SPON1: variants seen among roughly 807,000 people sequenced by gnomAD.
The protein encoded by SPON1 is spondin 1.
In SPON1, 52 loss-of-function variants were observed where a neutral mutation model predicts 111.7. The ratio of observed to expected loss-of-function variants is 0.47; its 90% CI spans 0.37 to 0.59. SPON1 has a LOEUF of 0.59. SPON1 is among the 20% of genes least tolerant of loss of function. The pLI is 0.00. For missense variants in SPON1, 957 were observed against 1,068.5 expected (o/e 0.90, Z 1.46); for synonymous variants, 410 against 395.8 (o/e 1.04, Z -0.43).
chr11:14,202,357 T>G (rs1554935732), intron 6 of SPON1, among the ~76,000 whole-genome samples: 1 of 151,834 alleles, frequency 6.6e-6, no homozygotes, highest in East Asian at 1.9e-4. Flanking sequence ...CTTGGTGGAG[T>G]TTTTAGTGTA....
In SPON1 at chr11:14,116,639, G is replaced by A. The variant is rs575364461; in HGVS notation, c.677-18781G>A. 2.6e-5 allele frequency among the ~76,000 whole-genome samples: 4 copies of A among 152,146 alleles called. 1 individual carries two copies. In the East Asian group the frequency reaches 7.7e-4, roughly 29 times the overall value. Reference sequence around the variant, plus strand: ...CTTTATTATGGTTCCTTTACAAAAAGCTTTGATATCTGGGAGTGTTCTCTG... The same window carrying A: ...CTTTATTATGGTTCCTTTACAAAAAACTTTGATATCTGGGAGTGTTCTCTG... On this transcript the variant is annotated intron_variant, in intron 5 of 15. Transcript: ENST00000576479.
chr11:14,079,820 A>C, intron 4 of SPON1, 79 bp from the exon 5 acceptor site: 1 of 1,508,918 alleles, frequency 6.6e-7, no homozygotes, highest in Non-Finnish European at 9.2e-7. Context: ...GGTTAAGGAT[A>C]AAATGAGACC....
chr11:14,100,533 T>C (rs1849135369), intron 5 of SPON1, among the ~76,000 whole-genome samples: 1 of 152,216 alleles, frequency 6.6e-6, no homozygotes, highest in Non-Finnish European at 1.5e-5. Context: ...CTCTGTTGAA[T>C]TCATAAACAA....
At chr11:14,038,750 G>A (rs1848612360) in intron 2 of SPON1, among the ~76,000 whole-genome samples, 1 of 152,182 alleles carries the variant, frequency 6.6e-6, no homozygotes, top group South Asian at 2.1e-4. Context: ...ATTGTTGCTG[G>A]TGGAAATGCA....
In SPON1 at chr11:14,259,350, G is replaced by T. The variant is rs782369672; in HGVS notation, c.1563G>T (p.Met521Ile). 1.2e-6 allele frequency: 2 copies of T among 1,612,922 alleles called. No homozygotes were observed. Among genetic ancestry groups the T allele is most frequent in the South Asian group, 2.2e-5 (2 of 90,666 alleles). ...SPCSISCGMG[M>I]RSRERYVKQF... ...GCAGCATCTCCTGCGGCATGGGCAT[G>T]AGGTCCCGGGAGAGGTATGTGAAGC... Residue 521 changes from methionine (M) to isoleucine (I), a missense_variant, in exon 12 of 16, where the codon ATG (methionine) becomes ATT (isoleucine). By Grantham distance (10) the Met-to-Ile change is conservative. Coordinates refer to ENST00000576479, the MANE Select transcript of SPON1 (RefSeq NM_006108.4). This position sits in a 1 kb window ranked among gnomAD's most constrained non-coding sequence, Gnocchi z 5.0.
intron 6 of SPON1, among the ~76,000 whole-genome samples, chr11:14,143,844 G>A (rs1471141997): frequency 2.0e-5 from 3 of 152,162 alleles, no homozygotes; most frequent in Admixed American, 2.0e-4. Flanking sequence ...ATTGAGGTGG[G>A]ATCAAGGGAC....
rs1554938329 is a variant in SPON1, at chr11:14,228,397, G to A, written c.826-14935G>A. ...CTGCATCAAGATTAGAGTGCAGGAA[G>A]TTACCAAAGAATGTTCTTGGGAACC... On this transcript the variant is annotated intron_variant, in intron 6 of 15. Coordinates refer to ENST00000576479, the MANE Select transcript of SPON1 (RefSeq NM_006108.4). The surrounding 1 kb of genome is among the most constrained non-coding windows in gnomAD (Gnocchi z 4.2). 6.6e-6 allele frequency among the ~76,000 whole-genome samples: 1 copy of A among 152,202 alleles called. No homozygotes were observed. The highest frequency in any genetic ancestry group is 1.9e-4 in the East Asian group (1 of 5,198).
intron 6 of SPON1, among the ~76,000 whole-genome samples, chr11:14,234,970 G>A (rs1022371321): frequency 6.6e-6 from 1 of 152,232 alleles, no homozygotes; most frequent in African/African-American, 2.4e-5. Flanking sequence ...GGCATAGAAT[G>A]AGCACTTATG....
At chr11:14,050,292 ATTC>A (rs1429718204) in intron 3 of SPON1, among the ~76,000 whole-genome samples, 1 of 152,158 alleles carries the variant, frequency 6.6e-6, no homozygotes, top group Non-Finnish European at 1.5e-5. Context: ...GATCAATTTC[ATTC>A]TTCTTTGTGG....
At chr11:14,249,683 G>A (rs1233147209) in intron 7 of SPON1, among the ~76,000 whole-genome samples, 1 of 152,200 alleles carries the variant, frequency 6.6e-6, no homozygotes, top group Non-Finnish European at 1.5e-5. Context: ...TAAGTCTCTA[G>A]AAGCAGTATC....
At chr11:14,196,345 G>A (rs1394869162) in intron 6 of SPON1, among the ~76,000 whole-genome samples, 14 of 152,166 alleles carry the variant, frequency 9.2e-5, no homozygotes, top group Admixed American at 6.5e-4. Flanking sequence ...GACAACTAAC[G>A]AGTATGGATG....
chr11:14,086,143 C>G (rs1254662128), intron 5 of SPON1, among the ~76,000 whole-genome samples: 3 of 152,132 alleles, frequency 2.0e-5, no homozygotes, highest in Non-Finnish European at 2.9e-5. Context: ...TTATTTCTTT[C>G]TCTTGCCTGA....
chr11:14,040,673 T>A (rs1173525696), intron 2 of SPON1, among the ~76,000 whole-genome samples: 11 of 152,018 alleles, frequency 7.2e-5, no homozygotes, highest in African/African-American at 2.2e-4. Flanking sequence ...GTTTTGAAGA[T>A]TAAGTCAGAT....
intron 5 of SPON1, among the ~76,000 whole-genome samples, chr11:14,111,607 G>T (rs143949788): frequency 6.6e-6 from 1 of 152,282 alleles, no homozygotes; most frequent in East Asian, 1.9e-4. Flanking sequence ...CAAACAATGA[G>T]TTGAAAATAT....
intron 6 of SPON1, among the ~76,000 whole-genome samples, chr11:14,148,263 G>A (rs535114869): frequency 8.0e-4 from 122 of 152,192 alleles, no homozygotes; most frequent in African/African-American, 2.7e-3. Context: ...CTCATGATTG[G>A]TCCCATTTGT....
chr11:14,070,554 T>C (rs1554920801), intron 3 of SPON1, among the ~76,000 whole-genome samples: 1 of 152,194 alleles, frequency 6.6e-6, no homozygotes, highest in Non-Finnish European at 1.5e-5. Flanking sequence ...ATACTGGATA[T>C]TTACCGTGTG....
At chr11:14,198,245 G>A (rs1848423854) in intron 6 of SPON1, among the ~76,000 whole-genome samples, 1 of 152,214 alleles carries the variant, frequency 6.6e-6, no homozygotes, top group Non-Finnish European at 1.5e-5. Context: ...GACCTTGTCA[G>A]TAGTTCTTAG....
At chr11:14,186,576 C>T (rs939369858) in intron 6 of SPON1, among the ~76,000 whole-genome samples, 1 of 152,204 alleles carries the variant, frequency 6.6e-6, no homozygotes, top group Non-Finnish European at 1.5e-5. Context: ...AATTGTGCCA[C>T]CCACTCCAAC....
At chr11:14,256,381 G>A (rs1554941213) in intron 9 of SPON1, among the ~76,000 whole-genome samples, 1 of 152,210 alleles carries the variant, frequency 6.6e-6, no homozygotes, top group African/African-American at 2.4e-5. Flanking sequence ...TATCTGCCAT[G>A]GGCCAGGAAC....
Sources: gnomAD v4.1 joint callset for allele counts (sites outside exome capture counted in the v4.1 genomes callset) on GRCh38, gnomAD v4.1.1 for gene constraint, Gnocchi (gnomAD v3.1) non-coding constraint, MANE v1.5 for transcripts, NCBI Gene and HGNC (gene_info 2026-07-23, HGNC 2026-07-21) for gene names.